Variants in PMS1 observed in about 807,000 individuals in gnomAD.
PMS1 encodes the protein PMS1 homolog 1, mismatch repair system component, also known as PMS1 protein homolog 1.
A neutral mutation model predicts 93.1 loss-of-function variants in PMS1; 79 were observed. The observed-to-expected ratio is 0.85, with a 90% CI of 0.71 to 1.02. PMS1 has a LOEUF of 1.02. Among genes scored for constraint, PMS1 ranks in the 50% least tolerant of loss-of-function variants. PMS1 has a pLI of 0.00. For missense variants in PMS1, 1,064 were observed against 1,085.3 expected, an observed-to-expected ratio of 0.98 and a Z score of 0.28; for synonymous variants, 335 against 363.4, an observed-to-expected ratio of 0.92 and a Z score of 0.89.
chr2:189,796,435 A>G (rs1278616585), intron 3 of PMS1, among the ~76,000 whole-genome samples: 3 of 152,224 alleles, frequency 2.0e-5, no homozygotes, highest in African/African-American at 7.2e-5. Flanking sequence ...TGGCAGTGGC[A>G]TTAGCTACAG....
Position 189,864,089 on chromosome 2 carries a change from G to T in PMS1, c.2203G>T (p.Ala735Ser). 1 of 1,613,602 alleles carries T rather than the reference G, an allele frequency of 6.2e-7. No homozygotes were observed. The highest frequency in any genetic ancestry group is 8.5e-7 in the Non-Finnish European group (1 of 1,179,684). ...CLIHNLRFPD[A>S]WLMTSKTEVM... ...GATCCACAATCTCAGGTTTCCTGAT[G>T]CATGGCTAATGACATCCAAAACAGA... Residue 735 changes from alanine to serine, a missense_variant, in exon 10 of 13, where the codon GCA becomes TCA. Transcript: ENST00000441310.
chr2:189,804,994 AAGAGGGCAGACACTTCAAAATTTGTG>A (rs2050210213), intron 3 of PMS1, among the ~76,000 whole-genome samples: 1 of 152,142 alleles, frequency 6.6e-6, no homozygotes, highest in African/African-American at 2.4e-5. Context: ...GCTAGCTCAA[AAGAGGGCAGACACTTCAAAATTTGTG>A]TTTCTATGAC....
At chr2:189,876,036 G>A (rs1241633519) in intron 12 of PMS1, among the ~76,000 whole-genome samples, 2 of 128,920 alleles carry the variant, frequency 1.6e-5, no homozygotes, top group African/African-American at 9.2e-5. Flanking sequence ...TGAATTTAAG[G>A]TTTAGAAAGA....
At chr2:189,825,763 G>T (rs1347214834) in intron 5 of PMS1, among the ~76,000 whole-genome samples, 1 of 152,198 alleles carries the variant, frequency 6.6e-6, no homozygotes, top group South Asian at 2.1e-4. Context: ...ATGAATTAAA[G>T]AATGTTTTCC....
intron 12 of PMS1, 45 bp from the exon 13 acceptor site, chr2:189,877,227 T>C: frequency 1.3e-6 from 2 of 1,530,256 alleles, no homozygotes; most frequent in Non-Finnish European, 1.8e-6. Context: ...TGTTTTCAGC[T>C]TCAGGGTATA....
chr2:189,795,800 G>A lies in PMS1; in HGVS notation c.164G>A (p.Arg55Gln), dbSNP rs1376121914. 7 of 1,613,720 alleles carry A rather than the reference G, an allele frequency of 4.3e-6. No homozygotes were observed. The highest frequency in any genetic ancestry group is 2.2e-5 in the East Asian group (1 of 44,866). ...TATGGATTTGATAAAATTGAGGTGC[G>A]AGATAACGGGGAGGGTATCAAGGCT... is the stretch of plus-strand genomic sequence containing the variant. The part of the protein sequence containing the change: ...ENYGFDKIEV[R>Q]DNGEGIKAVD... Residue 55 changes from arginine (R) to glutamine (Q), a missense_variant, in exon 3 of 13, where the codon CGA becomes CAA. Arg to Gln is a conservative substitution (Grantham distance 43, BLOSUM62 1). Coordinates refer to ENST00000441310, the MANE Select transcript of PMS1 (RefSeq NM_000534.5).
At chr2:189,818,679 T>A (rs2051541344) in intron 5 of PMS1, among the ~76,000 whole-genome samples, 1 of 152,248 alleles carries the variant, frequency 6.6e-6, no homozygotes, top group Admixed American at 6.5e-5. Flanking sequence ...GTCTTTAATT[T>A]GTTGCCTAAT....
intron 5 of PMS1, among the ~76,000 whole-genome samples, chr2:189,839,674 G>A (rs1382068898): frequency 6.6e-6 from 1 of 152,136 alleles, no homozygotes; most frequent in African/African-American, 2.4e-5. Flanking sequence ...CTCCCACTGT[G>A]CTATGTAATA....
chr2:189,816,592 C>T (rs1444434760), intron 4 of PMS1, among the ~76,000 whole-genome samples: 1 of 152,086 alleles, frequency 6.6e-6, no homozygotes. Context: ...AAATTTTCTT[C>T]TAGTATTTAT....
At chr2:189,808,326 A>T (rs2050521799) in intron 4 of PMS1, among the ~76,000 whole-genome samples, 2 of 152,014 alleles carry the variant, frequency 1.3e-5, no homozygotes, top group South Asian at 4.1e-4. Flanking sequence ...AACGTAATTT[A>T]TTATTATTAT....
chr2:189,852,171 T>A (rs1294800832), intron 6 of PMS1, among the ~76,000 whole-genome samples: 1 of 152,196 alleles, frequency 6.6e-6, no homozygotes, highest in East Asian at 1.9e-4. Flanking sequence ...AAGAGTTTTT[T>A]TTTTTAACTC....
At chr2:189,863,670 A>G in intron 9 of PMS1, 73 bp from the exon 10 acceptor site, 1 of 1,195,402 alleles carries the variant, frequency 8.4e-7, no homozygotes, top group African/African-American at 1.5e-5. Context: ...CTTTATTTTT[A>G]TAAAATTTAC....
At position 189,853,993 on chromosome 2, in the gene PMS1, C is replaced by T; in HGVS notation, c.877C>T (p.Pro293Ser). The change falls in exon 8 of 13, where the codon CCT becomes TCT. Residue 293 changes from proline (P) to serine (S), a missense_variant. Transcript: ENST00000441310. ...CCTAAAGGAATCTACTCGTTTGTAT[C>T]CTGTTTTCTTTCTGAAAATCGATGT... Reference protein sequence around the residue: ...KCLKESTRLYPVFFLKIDVPT... With the variant: ...KCLKESTRLYSVFFLKIDVPT... 6.2e-7 allele frequency: 1 copy of T among 1,608,218 alleles called. No individual in the cohort carries two copies. The highest frequency in any genetic ancestry group is 8.5e-7 in the Non-Finnish European group (1 of 1,176,602).
chr2:189,848,893 C>A (rs1301583717), intron 6 of PMS1, among the ~76,000 whole-genome samples: 2 of 152,178 alleles, frequency 1.3e-5, no homozygotes, highest in African/African-American at 4.8e-5. Context: ...TTCTCCATCC[C>A]TGGCCAAAAG....
At chr2:189,802,348 A>T (rs1471949074) in intron 3 of PMS1, among the ~76,000 whole-genome samples, 1 of 152,226 alleles carries the variant, frequency 6.6e-6, no homozygotes, top group Admixed American at 6.5e-5. Flanking sequence ...ATAATAAACT[A>T]GTGAAAAGAA....
intron 6 of PMS1, among the ~76,000 whole-genome samples, chr2:189,851,301 T>C (rs1210100765): frequency 2.0e-5 from 3 of 152,204 alleles, no homozygotes; most frequent in Non-Finnish European, 4.4e-5. Flanking sequence ...TTTATTCTTA[T>C]CCTCTCAGGG....
At chr2:189,854,193 A>G (rs979601959) in intron 8 of PMS1, 46 bp from the exon 9 acceptor site, 5 of 1,464,726 alleles carry the variant, frequency 3.4e-6, no homozygotes, top group African/African-American at 1.4e-5. Flanking sequence ...AATCTTGTCT[A>G]TTATTTTCAT....
intron 5 of PMS1, among the ~76,000 whole-genome samples, chr2:189,820,497 C>T (rs1295881694): frequency 1.3e-5 from 2 of 151,972 alleles, no homozygotes; most frequent in African/African-American, 2.4e-5. Context: ...TATGGGGGGT[C>T]TCCCTATGTT....
chr2:189,812,820 A>C (rs2050959951), intron 4 of PMS1, among the ~76,000 whole-genome samples: 1 of 152,214 alleles, frequency 6.6e-6, no homozygotes, highest in African/African-American at 2.4e-5. Flanking sequence ...GACATGACAG[A>C]ATTCAGTGTA....
Sources: allele counts gnomAD v4.1 joint callset (sites outside exome capture counted in the v4.1 genomes callset), GRCh38; gene constraint gnomAD v4.1.1; transcripts MANE v1.5; gene names NCBI Gene and HGNC (gene_info 2026-07-23, HGNC 2026-07-21).